The following CTIF variants were observed in gnomAD, a reference collection of about 807,000 sequenced individuals.
CTIF encodes cap binding complex dependent translation initiation factor, also known as CBP80/20-dependent translation initiation factor.
CTIF carries 21 observed loss-of-function variants against 66.0 expected under a neutral mutation model. The ratio of observed to expected loss-of-function variants is 0.32; its 90% CI spans 0.23 to 0.46. The LOEUF is 0.46. Among genes scored for constraint, CTIF ranks in the 20% least tolerant of loss-of-function variants. CTIF has a pLI of 1.00. For synonymous variants in CTIF, 345 were observed against 326.4 expected (o/e 1.06, Z -0.62); for missense variants, 739 against 812.7 (o/e 0.91, Z 1.10).
intron 1 of CTIF, among the ~76,000 whole-genome samples, chr18:48,578,744 C>T (rs2089589514): frequency 6.6e-6 from 1 of 152,210 alleles, no homozygotes; most frequent in South Asian, 2.1e-4. Flanking sequence ...ACTCTAAATA[C>T]TAGACCCTTA....
chr18:48,682,224 C>T (rs144409987), intron 6 of CTIF, among the ~76,000 whole-genome samples: 165 of 152,310 alleles, frequency 1.1e-3, no homozygotes, highest in African/African-American at 3.8e-3. Flanking sequence ...AGCACAGCTG[C>T]CCCTCCACAT....
chr18:48,605,671 G>T (rs554333565), intron 1 of CTIF, among the ~76,000 whole-genome samples: 9 of 152,270 alleles, frequency 5.9e-5, no homozygotes, highest in African/African-American at 1.7e-4. Flanking sequence ...AAGGCATCTG[G>T]CTGCACCTGG....
intron 1 of CTIF, among the ~76,000 whole-genome samples, chr18:48,576,735 A>G (rs1194994160): frequency 1.3e-5 from 2 of 152,248 alleles, no homozygotes; most frequent in African/African-American, 4.8e-5. Context: ...AAAAGGACGC[A>G]GGGAGGATTC....
chr18:48,664,019 T>A (rs1290910821), intron 4 of CTIF, among the ~76,000 whole-genome samples, 194 bp downstream of exon 4: 3 of 152,216 alleles, frequency 2.0e-5, no homozygotes, highest in Non-Finnish European at 2.9e-5. Flanking sequence ...AGTGGAGGCA[T>A]GGGGAGGGCC....
chr18:48,745,946 C>G (rs773835918), intron 7 of CTIF, among the ~76,000 whole-genome samples: 1 of 152,230 alleles, frequency 6.6e-6, no homozygotes, highest in Non-Finnish European at 1.5e-5. Context: ...CTCCGTTTCA[C>G]ATTTCCTCTC....
chr18:48,550,032 C>G (rs141124320), intron 1 of CTIF, among the ~76,000 whole-genome samples: 3 of 152,070 alleles, frequency 2.0e-5, no homozygotes, highest in Non-Finnish European at 4.4e-5. Flanking sequence ...AACCACCAAC[C>G]TGGTTTATAT....
intron 7 of CTIF, among the ~76,000 whole-genome samples, chr18:48,728,256 C>G (rs752610339): frequency 2.0e-4 from 30 of 152,162 alleles, no homozygotes; most frequent in Non-Finnish European, 4.3e-4. Flanking sequence ...CTCTTCATGG[C>G]ATTTGAAGTT....
At chr18:48,842,047 A>T (rs966252458) in intron 10 of CTIF, among the ~76,000 whole-genome samples, 29 of 152,180 alleles carry the variant, frequency 1.9e-4, no homozygotes, top group African/African-American at 7.0e-4. Context: ...GTGTGCACTC[A>T]GCTAATATCA....
intron 9 of CTIF, among the ~76,000 whole-genome samples, chr18:48,802,961 A>G (rs941571154): frequency 2.8e-4 from 43 of 152,390 alleles, no homozygotes; most frequent in Admixed American, 2.0e-4. Flanking sequence ...TCAAGGCCAC[A>G]GCCACAGCAG....
chr18:48,761,441 C>T lies in CTIF; in HGVS notation c.1123C>T (p.Leu375=), dbSNP rs370440560. ...TCCCCAGCAGAACAAGATGGACAAGCTGATCGAGATCCTGAACAGCATGCG... is the reference window on the plus strand; with the variant it reads ...TCCCCAGCAGAACAAGATGGACAAGTTGATCGAGATCCTGAACAGCATGCG... ...TTPQQNKMDK[L]IEILNSMRNN... The change falls in exon 9 of 12, where the codon CTG becomes TTG. Residue 375 remains leucine (L), a synonymous_variant. Coordinates refer to ENST00000256413, the MANE Select transcript of CTIF (RefSeq NM_014772.3). This position sits in a 1 kb window ranked among gnomAD's most constrained non-coding sequence, Gnocchi z 4.2. 1.2e-6 allele frequency: 2 copies of T among 1,614,020 alleles called. No individual in the cohort carries two copies. Among genetic ancestry groups the T allele is most frequent in the African/African-American group, 2.7e-5 (2 of 74,932 alleles).
At chr18:48,711,837 T>TTTTTTTTAATGA in intron 7 of CTIF, 142 bp downstream of exon 7, 1 of 700,632 alleles carries the variant, frequency 1.4e-6, no homozygotes, top group Admixed American at 2.2e-5. Context: ...CGTGGGTTGG[T>TTTTTTTTAATGA]TACTGGCTGG....
chr18:48,760,197 T>TC (rs1263705626), intron 8 of CTIF: 3 of 150,712 alleles, frequency 2.0e-5, no homozygotes, highest in African/African-American at 7.3e-5. Flanking sequence ...TTTTTTTTTT[T>TC]TTTTTTTTGA....
chr18:48,563,474 G>C (rs1044162302), intron 1 of CTIF, among the ~76,000 whole-genome samples: 5 of 150,716 alleles, frequency 3.3e-5, no homozygotes, highest in African/African-American at 5.0e-5. Flanking sequence ...TTTTTGTTTT[G>C]TTTTGTTTTG....
At chr18:48,630,274 C>G (rs1266178544) in intron 2 of CTIF, among the ~76,000 whole-genome samples, 1 of 145,498 alleles carries the variant, frequency 6.9e-6, no homozygotes, top group Non-Finnish European at 1.5e-5. Context: ...ACTAGGGAAT[C>G]TTGGAATGGA....
At chr18:48,687,350 A>ACACACACACACACC (rs36006904) in intron 6 of CTIF, among the ~76,000 whole-genome samples, 1 of 147,060 alleles carries the variant, frequency 6.8e-6, no homozygotes, top group African/African-American at 2.5e-5. Context: ...ACACACACAC[A>ACACACACACACACC]CCAAGCTTAC....
rs556176059 is a variant in CTIF, at chr18:48,730,731, G to A, written c.584+19036G>A. 6.2e-5 allele frequency among the ~76,000 whole-genome samples: 9 copies of A among 144,576 alleles called. No individual in the cohort carries two copies. The South Asian group carries it at 1.1e-3, about 18-fold the overall frequency. 94.8% of individuals were successfully genotyped at this position (144,576 alleles called of 152,430 possible). A position where few individuals can be genotyped will look rare whatever the true frequency, so the allele number is the denominator to read the frequency against. ...GGCTTCCGCGGTGTGAGGGGCTTCC[G>A]TGGTGTGAGGAGCCCCCGCAGCTTG... On this transcript the variant is annotated intron_variant, in intron 7 of 11. Coordinates refer to ENST00000256413, the MANE Select transcript of CTIF (RefSeq NM_014772.3).
chr18:48,663,958 TGG>T, intron 4 of CTIF, 133 bp downstream of exon 4: 1 of 852,022 alleles, frequency 1.2e-6, no homozygotes. Flanking sequence ...GTAGGAAGGA[TGG>T]GGTGGAAAGA....
chr18:48,619,511 G>A (rs954969726), intron 1 of CTIF, 27 bp from the exon 2 acceptor site: 29 of 1,363,432 alleles, frequency 2.1e-5, no homozygotes, highest in African/African-American at 3.0e-5. Flanking sequence ...AGCGTCTCAC[G>A]GAGTTCTCTG....
intron 1 of CTIF, among the ~76,000 whole-genome samples, chr18:48,558,770 A>G (rs2089081036): frequency 6.6e-6 from 1 of 152,222 alleles, no homozygotes; most frequent in South Asian, 2.1e-4. Flanking sequence ...GCACAGTGAC[A>G]GTTGATATAT....
Sources: allele counts gnomAD v4.1 joint callset (sites outside exome capture counted in the v4.1 genomes callset), GRCh38; gene constraint gnomAD v4.1.1; non-coding constraint Gnocchi (gnomAD v3.1); transcripts MANE v1.5; gene names NCBI Gene and HGNC (gene_info 2026-07-23, HGNC 2026-07-21).